The following AGBL5 variants were observed in gnomAD, a reference collection of about 807,000 sequenced individuals.
AGBL5 encodes the protein AGBL carboxypeptidase 5, also known as cytosolic carboxypeptidase-like protein 5.
In AGBL5, 51 loss-of-function variants were observed where a neutral mutation model predicts 88.0. That is an observed-to-expected ratio of 0.58 (90% CI 0.46 to 0.73). The LOEUF (loss-of-function observed/expected upper bound fraction) is 0.73. AGBL5 is among the 30% of genes least tolerant of loss of function. The probability of loss-of-function intolerance (pLI) is 0.00; values close to 1 mark genes in which losing one functional copy is unlikely to be tolerated. For synonymous variants in AGBL5, 446 were observed against 438.8 expected (o/e 1.02, Z -0.21); for missense variants, 1,031 against 1,162.2 (o/e 0.89, Z 1.64).
chr2:27,056,235 T>C, intron 7 of AGBL5, 97 bp downstream of exon 7: 2 of 1,364,926 alleles, frequency 1.5e-6, no homozygotes, highest in Non-Finnish European at 2.0e-6. Context: ...TTAGGTAGCT[T>C]TCTGGAAGGA....
rs1174991869 is a variant in AGBL5 at position 27,053,079 on chromosome 2, G to C, written c.121G>C (p.Ala41Pro). 1 of 1,613,644 alleles carries C rather than the reference G, an allele frequency of 6.2e-7. No individual in the cohort carries two copies. The highest frequency in any genetic ancestry group is 8.5e-7 in the Non-Finnish European group (1 of 1,179,766). Residue 41 changes from alanine to proline, a missense_variant, in exon 2 of 15, where the codon GCC (alanine) becomes CCC (proline). Around this residue, in one of 2 missense-constraint regions of AGBL5, gnomAD observed 540 missense variants for 678.2 expected, o/e 0.80. Coordinates refer to ENST00000360131, the MANE Select transcript of AGBL5 (RefSeq NM_021831.6). This position sits in a 1 kb window ranked among gnomAD's most constrained non-coding sequence, Gnocchi z 4.9. Reference protein sequence around the residue: ...DGEGVGGGASALTSGIASSPD... With the variant: ...DGEGVGGGASPLTSGIASSPD... ...GGAAGGGGTAGGAGGTGGGGCGTCA[G>C]CCCTGACCAGTGGCATTGCCTCTTC...
In AGBL5 at chr2:27,053,283, C is replaced by T; in HGVS notation, c.215+110C>T. On this transcript the variant is annotated intron_variant, in intron 2 of 14. Transcript: ENST00000360131. This position sits in a 1 kb window ranked among gnomAD's most constrained non-coding sequence, Gnocchi z 4.9. ...TACTCCCTGTCCATTTCTGACCCAT[C>T]GTCCCTCCTTTCTCCTTGCCAAATA... The T allele has an allele frequency of 6.6e-7, 1 of 1,518,580 alleles. No individual in the cohort carries two copies. 94.1% of individuals were successfully genotyped at this position (1,518,580 alleles called of 1,614,324 possible).
At chr2:27,063,364 G>C (rs908122335) in intron 11 of AGBL5, among the ~76,000 whole-genome samples, 1 of 116,940 alleles carries the variant, frequency 8.6e-6, no homozygotes, top group Non-Finnish European at 2.0e-5. Flanking sequence ...AGGCCGAGGC[G>C]GGCAGATCAC....
In AGBL5 at chr2:27,053,071, G is replaced by A. The variant is rs752609615; in HGVS notation, c.113G>A (p.Gly38Glu). 6.2e-7 allele frequency: 1 copy of A among 1,613,736 alleles called. No homozygotes were observed. Among genetic ancestry groups the A allele is most frequent in the Non-Finnish European group, 8.5e-7 (1 of 1,179,876 alleles). Residue 38 changes from glycine (G) to glutamate (E), a missense_variant, in exon 2 of 15, where the codon GGG (glycine) becomes GAG (glutamate). Physicochemically the swap from Gly to Glu is moderately conservative, Grantham distance 98 (BLOSUM62 -2). This residue lies in a region of AGBL5 where 540 missense variants were observed against 678.2 expected (regional missense o/e 0.80). Coordinates refer to ENST00000360131, the MANE Select transcript of AGBL5 (RefSeq NM_021831.6). This position sits in a 1 kb window ranked among gnomAD's most constrained non-coding sequence, Gnocchi z 4.9. ...AGTGATGGGGAAGGGGTAGGAGGTG[G>A]GGCGTCAGCCCTGACCAGTGGCATT... is the stretch of plus-strand genomic sequence containing the variant. The part of the protein sequence containing the change: ...LSSDGEGVGG[G>E]ASALTSGIAS...
At position 27,053,295 on chromosome 2, in the gene AGBL5, C is replaced by T; in HGVS notation, c.216-107C>T. ...ATTTCTGACCCATCGTCCCTCCTTT[C>T]TCCTTGCCAAATAGCCCTTTCCCAG... is the stretch of plus-strand genomic sequence containing the variant. On this transcript the variant is annotated intron_variant, in intron 2 of 14. Transcript: ENST00000360131. The surrounding 1 kb of genome is among the most constrained non-coding windows in gnomAD (Gnocchi z 4.9). 1 of 1,532,382 alleles carries T rather than the reference C, an allele frequency of 6.5e-7. No homozygotes were observed. The highest frequency in any genetic ancestry group is 8.8e-7 in the Non-Finnish European group (1 of 1,130,788). 94.9% of individuals were successfully genotyped at this position (1,532,382 alleles called of 1,614,324 possible).
rs543953510 is a variant in AGBL5, at chr2:27,052,948, C to G, written c.-11C>G. 1.3e-6 allele frequency: 2 copies of G among 1,580,354 alleles called. No homozygotes were observed. The highest frequency in any genetic ancestry group is 2.3e-5 in the South Asian group (2 of 87,078). ...CAGAGCGGGGCAGGAGGATGCTTTC[C>G]CAGCCCCACCATGGAGCTGCGCTGT... On this transcript the variant is annotated 5_prime_UTR_variant, in exon 2 of 15. Coordinates refer to ENST00000360131, the MANE Select transcript of AGBL5 (RefSeq NM_021831.6).
Position 27,055,117 on chromosome 2 carries a change from T to G in AGBL5, c.772T>G (p.Ser258Ala). The change falls in exon 6 of 15, where the codon TCT becomes GCT. Residue 258 changes from serine (S) to alanine (A), a missense_variant. By Grantham distance (99) the Ser-to-Ala change is moderately conservative (BLOSUM62 1). This residue lies in a region of AGBL5 where 540 missense variants were observed against 678.2 expected (regional missense o/e 0.80). Coordinates refer to ENST00000360131, the MANE Select transcript of AGBL5 (RefSeq NM_021831.6). ...SSRVHPGETP[S>A]SFVFNGFLDF... ...TAGAGTACACCCAGGGGAGACTCCA[T>G]CTAGCTTTGTCTTCAATGGCTTTCT... The G allele has an allele frequency of 6.2e-7, 1 of 1,614,200 alleles. No individual in the cohort carries two copies. Among genetic ancestry groups the G allele is most frequent in the Non-Finnish European group, 8.5e-7 (1 of 1,180,026 alleles).
At chr2:27,064,299 CTT>C (rs3072663) in intron 11 of AGBL5, among the ~76,000 whole-genome samples, 16 of 138,888 alleles carry the variant, frequency 1.2e-4, no homozygotes, top group Admixed American at 1.4e-4. Context: ...TTGTTTTTGA[CTT>C]TTTTTTTTTT....
At chr2:27,064,841 C>A (rs540607302) in intron 11 of AGBL5, among the ~76,000 whole-genome samples, 5 of 138,034 alleles carry the variant, frequency 3.6e-5, no homozygotes, top group Admixed American at 1.6e-4. Flanking sequence ...GCAATCTCCG[C>A]TTCCCGAGTT....
Position 27,059,115 on chromosome 2 carries a change from GAGC to G in AGBL5, c.1875-69_1875-67del, listed in dbSNP as rs1158210728. 1.1e-5 allele frequency: 16 copies of G among 1,430,284 alleles called. No individual in the cohort carries two copies. In the East Asian group the frequency reaches 3.7e-4, roughly 33 times the overall value. The allele number at this position is 1,430,284 out of a possible 1,614,324, so 88.6% of individuals were successfully genotyped here. ...TTTACCCCAGAGGTGAAGCTTTACTGAGCAGCAGATCCTAGGGAAAGCCTTAGG... is the reference window on the plus strand; with the variant it reads ...TTTACCCCAGAGGTGAAGCTTTACTGAGCAGATCCTAGGGAAAGCCTTAGG... On this transcript the variant is annotated intron_variant, in intron 10 of 14. Coordinates refer to ENST00000360131, the MANE Select transcript of AGBL5 (RefSeq NM_021831.6).
At chr2:27,060,792 C>T (rs1343024680) in intron 11 of AGBL5, among the ~76,000 whole-genome samples, 1 of 152,236 alleles carries the variant, frequency 6.6e-6, no homozygotes, top group African/African-American at 2.4e-5. Context: ...GGAAAGGACA[C>T]TTGTGCACTG....
At chr2:27,059,476 G>A in intron 11 of AGBL5, 72 bp downstream of exon 11, 1 of 1,599,888 alleles carries the variant, frequency 6.3e-7, no homozygotes, top group Non-Finnish European at 8.5e-7. Flanking sequence ...GTAAGAGCTT[G>A]AAGATATACT....
chr2:27,058,463 G>T lies in AGBL5; in HGVS notation c.1735G>T (p.Val579Leu). Reference sequence around the variant, plus strand: ...GGAATGTAATCCGTGGCCCCGAATTGTACTGTCAGAGCACAGCAGCCTTAC... The same window carrying T: ...GGAATGTAATCCGTGGCCCCGAATTTTACTGTCAGAGCACAGCAGCCTTAC... Reference protein sequence around the residue: ...MAECNPWPRIVLSEHSSLTNL... With the variant: ...MAECNPWPRILLSEHSSLTNL... Residue 579 changes from valine (V) to leucine (L), a missense_variant, in exon 10 of 15, where the codon GTA becomes TTA. Around this residue, in one of 2 missense-constraint regions of AGBL5, gnomAD observed 491 missense variants for 484.0 expected, o/e 1.01. Coordinates refer to ENST00000360131, the MANE Select transcript of AGBL5 (RefSeq NM_021831.6). 1 of 1,614,100 alleles carries T rather than the reference G, an allele frequency of 6.2e-7. No individual in the cohort carries two copies. The highest frequency in any genetic ancestry group is 1.1e-5 in the South Asian group (1 of 91,080).
intron 11 of AGBL5, among the ~76,000 whole-genome samples, chr2:27,060,724 GA>G (rs1668675593): frequency 6.6e-6 from 1 of 152,202 alleles, no homozygotes; most frequent in South Asian, 2.1e-4. Context: ...TTCTATCCCT[GA>G]CAGGCAACTT....
In AGBL5 at chr2:27,056,099, C is replaced by T; in HGVS notation, c.1326C>T (p.Cys442=). ...DLHGHASKRG[C]FMYGNSFSDE... ...ATGGACATGCTTCCAAAAGGGGCTG[C>T]TTCATGTACGGAAACAGCTTTAGTG... is the stretch of plus-strand genomic sequence containing the variant. The change falls in exon 7 of 15, where the codon TGC becomes TGT. Residue 442 remains cysteine, a synonymous_variant. Transcript: ENST00000360131. The T allele has an allele frequency of 1.2e-6, 2 of 1,613,832 alleles. No individual in the cohort carries two copies. The highest frequency in any genetic ancestry group is 1.7e-6 in the Non-Finnish European group (2 of 1,179,748).
chr2:27,062,112 T>G, intron 11 of AGBL5, among the ~76,000 whole-genome samples: 1 of 139,088 alleles, frequency 7.2e-6, no homozygotes, highest in African/African-American at 2.7e-5. Context: ...ACTGTGCCCA[T>G]CTAGGCCTTT....
chr2:27,050,820 G>A (rs915568892), upstream of AGBL5, among the ~76,000 whole-genome samples: 4 of 152,214 alleles, frequency 2.6e-5, no homozygotes, highest in South Asian at 2.1e-4. Flanking sequence ...GGACTGTAGT[G>A]GATAGGGCGT....
In AGBL5 at chr2:27,070,168, C is replaced by A; in HGVS notation, c.2566C>A (p.Pro856Thr). ...SPISCSLSDS[P>T]SWNCYSRGPL... ...TATATCCTGTAGTCTATCTGACTCC[C>A]CATCCTGGAATTGTTACAGCAGGGG... The change falls in exon 15 of 15, where the codon CCA becomes ACA. Residue 856 changes from proline to threonine, a missense_variant. By Grantham distance (38) the Pro-to-Thr change is conservative. Coordinates refer to ENST00000360131, the MANE Select transcript of AGBL5 (RefSeq NM_021831.6). The A allele has an allele frequency of 6.2e-7, 1 of 1,614,238 alleles. No individual in the cohort carries two copies. The highest frequency in any genetic ancestry group is 8.5e-7 in the Non-Finnish European group (1 of 1,180,032).
At chr2:27,051,648 G>C (rs1011183570), upstream of AGBL5, 14 of 152,308 alleles carry the variant, frequency 9.2e-5, no homozygotes, top group African/African-American at 3.4e-4. Context: ...CAATAGGCGA[G>C]AGACTTCTTG....
Sources: allele counts gnomAD v4.1 joint callset (sites outside exome capture counted in the v4.1 genomes callset), GRCh38; gene constraint gnomAD v4.1.1; regional missense constraint gnomAD v4.1.1; non-coding constraint Gnocchi (gnomAD v3.1); transcripts MANE v1.5; gene names NCBI Gene and HGNC (gene_info 2026-07-23, HGNC 2026-07-21).